The following CYP7B1 variants were observed in gnomAD, a reference collection of about 807,000 sequenced individuals.
CYP7B1 encodes the protein cytochrome P450 family 7 subfamily B member 1.
Under a neutral mutation model 42.7 loss-of-function variants are expected in CYP7B1, and 29 were observed. The ratio of observed to expected loss-of-function variants is 0.68; its 90% CI spans 0.51 to 0.93. The LOEUF is 0.93. CYP7B1 is among the 40% of genes least tolerant of loss of function. The pLI is 0.00. For missense variants in CYP7B1, 655 were observed against 600.5 expected (o/e 1.09, Z -0.95); for synonymous variants, 235 against 218.2 (o/e 1.08, Z -0.68).
chr8:64,702,546 A>G (rs998068554), intron 1 of CYP7B1, among the ~76,000 whole-genome samples: 2 of 152,096 alleles, frequency 1.3e-5, no homozygotes, highest in East Asian at 1.9e-4. Context: ...CCAGAAACAC[A>G]TTATGTAGTA....
At chr8:64,775,865 T>C (rs943809118) in intron 1 of CYP7B1, among the ~76,000 whole-genome samples, 2 of 152,208 alleles carry the variant, frequency 1.3e-5, no homozygotes, top group East Asian at 3.9e-4. Flanking sequence ...GGGTGGTAAA[T>C]GTGAGAATAG....
At chr8:64,797,424 G>A (rs1016791385) in intron 1 of CYP7B1, among the ~76,000 whole-genome samples, 9 of 152,132 alleles carry the variant, frequency 5.9e-5, no homozygotes, top group African/African-American at 2.2e-4. Flanking sequence ...AGTGTCCTGA[G>A]TCCTCATCTT....
chr8:64,770,739 A>C (rs1488528157), intron 1 of CYP7B1, among the ~76,000 whole-genome samples: 1 of 152,224 alleles, frequency 6.6e-6, no homozygotes, highest in East Asian at 1.9e-4. Flanking sequence ...ATGAACCCAC[A>C]GTCCATGTGC....
rs771852713 is a variant in CYP7B1 at position 64,692,447 on chromosome 8, T to C, written c.123-67908A>G. ...CGGTCTGAGAGTGCTTCCCTTGACA[T>C]GCCTAGGTCAGCTATCTATCTAAGA... is the stretch of plus-strand genomic sequence containing the variant. On this transcript the variant is annotated intron_variant, in intron 1 of 5. Coordinates refer to ENST00000310193, the MANE Select transcript of CYP7B1 (RefSeq NM_004820.5). 4.9e-4 allele frequency among the ~76,000 whole-genome samples: 74 copies of C among 152,336 alleles called. 1 individual carries two copies. In the Middle Eastern group the frequency reaches 0.02, roughly 42 times the overall value.
intron 1 of CYP7B1, among the ~76,000 whole-genome samples, chr8:64,737,289 A>G (rs1055286751): frequency 1.3e-5 from 2 of 152,178 alleles, no homozygotes; most frequent in Non-Finnish European, 2.9e-5. Context: ...TTATCCCTCA[A>G]TATAAAGAAA....
chr8:64,610,448 A>T lies in CYP7B1; in HGVS notation c.1057+4578T>A, dbSNP rs569053947. Reference sequence around the variant, plus strand: ...GCAAAACTTCACTACTGTCTGAATTATGTAATCTTTTAAGCTTTTGAATAC... The same window carrying T: ...GCAAAACTTCACTACTGTCTGAATTTTGTAATCTTTTAAGCTTTTGAATAC... On this transcript the variant is annotated intron_variant, in intron 4 of 5. Coordinates refer to ENST00000310193, the MANE Select transcript of CYP7B1 (RefSeq NM_004820.5). 2.0e-5 allele frequency among the ~76,000 whole-genome samples: 3 copies of T among 152,164 alleles called. No homozygotes were observed. In the South Asian group the frequency reaches 6.2e-4, roughly 32 times the overall value.
At chr8:64,728,141 T>C (rs554515826) in intron 1 of CYP7B1, 1 of 152,314 alleles carries the variant, frequency 6.6e-6, no homozygotes, top group South Asian at 2.1e-4. Flanking sequence ...AAAGGATACA[T>C]AATTTTTTAT....
At chr8:64,788,973 T>A (rs1345000595) in intron 1 of CYP7B1, among the ~76,000 whole-genome samples, 1 of 152,216 alleles carries the variant, frequency 6.6e-6, no homozygotes, top group Non-Finnish European at 1.5e-5. Flanking sequence ...CAGCCTGGAG[T>A]GCAGTGGTGT....
intron 1 of CYP7B1, among the ~76,000 whole-genome samples, chr8:64,782,993 T>A (rs1288913038): frequency 6.6e-6 from 1 of 152,142 alleles, no homozygotes; most frequent in Admixed American, 6.5e-5. Context: ...AGGAAAAGCA[T>A]AACATGATGC....
At chr8:64,626,592 T>A (rs1158957941) in intron 1 of CYP7B1, among the ~76,000 whole-genome samples, 2 of 152,206 alleles carry the variant, frequency 1.3e-5, no homozygotes, top group Non-Finnish European at 2.9e-5. Flanking sequence ...CAAAAAATCC[T>A]TTGGAATACT....
intron 1 of CYP7B1, among the ~76,000 whole-genome samples, chr8:64,641,838 C>A (rs1443619244): frequency 6.6e-6 from 1 of 151,976 alleles, no homozygotes; most frequent in Non-Finnish European, 1.5e-5. Context: ...TTCCTACTGC[C>A]ACAAGTAAAA....
intron 1 of CYP7B1, among the ~76,000 whole-genome samples, chr8:64,780,064 C>T (rs1180281078): frequency 6.6e-6 from 1 of 152,096 alleles, no homozygotes; most frequent in Non-Finnish European, 1.5e-5. Flanking sequence ...AGTCGTTACA[C>T]TAATATGTTC....
At chr8:64,733,979 A>C (rs1172457963) in intron 1 of CYP7B1, among the ~76,000 whole-genome samples, 1 of 151,880 alleles carries the variant, frequency 6.6e-6, no homozygotes, top group Admixed American at 6.5e-5. Context: ...CAAAAAATAT[A>C]TTAAAATTAA....
At chr8:64,724,678 C>T (rs1038997198) in intron 1 of CYP7B1, among the ~76,000 whole-genome samples, 1 of 152,090 alleles carries the variant, frequency 6.6e-6, no homozygotes, top group African/African-American at 2.4e-5. Flanking sequence ...TATTGGGGCT[C>T]TGAAAATGAT....
intron 1 of CYP7B1, among the ~76,000 whole-genome samples, chr8:64,669,301 T>C (rs1259257361): frequency 6.6e-6 from 1 of 151,834 alleles, no homozygotes; most frequent in African/African-American, 2.4e-5. Context: ...TTCTAAGTCA[T>C]ACTGTTGAGT....
At chr8:64,750,200 A>G (rs1807706167) in intron 1 of CYP7B1, among the ~76,000 whole-genome samples, 1 of 152,168 alleles carries the variant, frequency 6.6e-6, no homozygotes, top group African/African-American at 2.4e-5. Flanking sequence ...ACATGAAAAT[A>G]AGAGTAAAGT....
Position 64,606,473 on chromosome 8 carries a change from G to A in CYP7B1, c.1058-1616C>T, listed in dbSNP as rs146842380. Among the ~76,000 whole-genome samples, 30 of 152,344 alleles carry A rather than the reference G, an allele frequency of 2.0e-4. No homozygotes were observed. The South Asian group carries it at 5.2e-3, about 26-fold the overall frequency. ...TTCACTCAACAAGTCCAGTAGGGGTGTGGGAAGAAGAAACACAAAAGCAAA... is the reference window on the plus strand; with the variant it reads ...TTCACTCAACAAGTCCAGTAGGGGTATGGGAAGAAGAAACACAAAAGCAAA... On this transcript the variant is annotated intron_variant, in intron 4 of 5. Coordinates refer to ENST00000310193, the MANE Select transcript of CYP7B1 (RefSeq NM_004820.5).
intron 1 of CYP7B1, among the ~76,000 whole-genome samples, chr8:64,749,264 A>G (rs1442245935): frequency 6.6e-6 from 1 of 151,922 alleles, no homozygotes; most frequent in Non-Finnish European, 1.5e-5. Flanking sequence ...TATTTTTAGT[A>G]GAGACGGGGT....
chr8:64,654,808 T>C (rs867589859), intron 1 of CYP7B1, among the ~76,000 whole-genome samples: 2 of 152,142 alleles, frequency 1.3e-5, no homozygotes, highest in South Asian at 2.1e-4. Flanking sequence ...AGTAAGGTAC[T>C]GGTACAAAAA....
Sources: gnomAD v4.1 joint callset for allele counts (sites outside exome capture counted in the v4.1 genomes callset) on GRCh38, gnomAD v4.1.1 for gene constraint, MANE v1.5 for transcripts, NCBI Gene and HGNC (gene_info 2026-07-23, HGNC 2026-07-21) for gene names.